PDE4D: variants seen among roughly 807,000 people sequenced by gnomAD.
PDE4D encodes the protein 3',5'-cyclic-AMP phosphodiesterase 4D.
Under a neutral mutation model 87.4 loss-of-function variants are expected in PDE4D, and 24 were observed. The observed-to-expected ratio is 0.27, with a 90% CI of 0.20 to 0.39. PDE4D has a LOEUF of 0.39. PDE4D is among the 10% of genes least tolerant of loss of function. The pLI is 1.00. For synonymous variants in PDE4D, 384 were observed against 383.2 expected (o/e 1.00, Z -0.02); for missense variants, 714 against 1,041.0 (o/e 0.69, Z 4.32).
At chr5:59,433,885 G>A (rs1796451091) in intron 1 of PDE4D, among the ~76,000 whole-genome samples, 1 of 152,038 alleles carries the variant, frequency 6.6e-6, no homozygotes, top group Admixed American at 6.6e-5. Flanking sequence ...TTGCCAGCAA[G>A]CAGCAATTTC....
At position 60,453,617 on chromosome 5, in the gene PDE4D, T is replaced by A. The variant is rs192501852; in HGVS notation, c.-90+34325A>T. On this transcript the variant is annotated intron_variant, in intron 1 of 16. Coordinates refer to the PDE4D transcript ENST00000502484. ...AATAGGTTTGTTGTACTGGTTGCCA[T>A]AAATTTCAAAACAAGAAAAATCAAG... Among the ~76,000 whole-genome samples, 266 of 152,250 alleles carry A rather than the reference T, an allele frequency of 1.7e-3. 2 individuals are homozygous for A. The highest frequency in any genetic ancestry group is 2.0e-3 in the Non-Finnish European group (137 of 68,010).
At chr5:60,234,869 T>C (rs1746246926) in intron 1 of PDE4D, among the ~76,000 whole-genome samples, 1 of 151,814 alleles carries the variant, frequency 6.6e-6, no homozygotes, top group Non-Finnish European at 1.5e-5. Flanking sequence ...ATTTTATTGA[T>C]GCCAAAATTA....
chr5:59,164,539 CT>C (rs1382173842), intron 5 of PDE4D, among the ~76,000 whole-genome samples: 1 of 152,200 alleles, frequency 6.6e-6, no homozygotes, highest in Non-Finnish European at 1.5e-5. Flanking sequence ...CAGAGAATAA[CT>C]TTCCCAAAGT....
intron 1 of PDE4D, among the ~76,000 whole-genome samples, chr5:59,219,953 G>A (rs1752109736): frequency 6.6e-6 from 1 of 152,060 alleles, no homozygotes; most frequent in Non-Finnish European, 1.5e-5. Context: ...TATAAAACAG[G>A]ACATTTAGTG....
At chr5:60,240,612 A>G (rs1009517988) in intron 1 of PDE4D, among the ~76,000 whole-genome samples, 1 of 152,058 alleles carries the variant, frequency 6.6e-6, no homozygotes, top group African/African-American at 2.4e-5. Context: ...AGTCTGACCC[A>G]ACGCAGTCTC....
chr5:59,613,128 C>T (rs945619523), intron 1 of PDE4D, among the ~76,000 whole-genome samples: 10 of 151,990 alleles, frequency 6.6e-5, no homozygotes. Flanking sequence ...GTGGCCGGAA[C>T]CAAGCTGGTT....
chr5:59,449,676 T>C (rs1798856992), intron 1 of PDE4D, among the ~76,000 whole-genome samples: 3 of 152,204 alleles, frequency 2.0e-5, no homozygotes, highest in Admixed American at 2.0e-4. Context: ...TAAAAATGCC[T>C]ATATTCTAAC....
Position 59,396,251 on chromosome 5 carries a change from G to A in PDE4D, c.456-180283C>T, listed in dbSNP as rs1310304920. Among the ~76,000 whole-genome samples, 11 of 110,446 alleles carry A rather than the reference G, an allele frequency of 1.0e-4. 4 individuals carry two copies. The highest frequency in any genetic ancestry group is 3.6e-4 in the African/African-American group (9 of 25,308). The allele number at this position is 110,446 out of a possible 152,430, so 72.5% of individuals were successfully genotyped here. A position where few individuals can be genotyped will look rare whatever the true frequency, so the allele number is the denominator to read the frequency against. On this transcript the variant is annotated intron_variant, in intron 1 of 14. Coordinates refer to ENST00000340635, the MANE Select transcript of PDE4D (RefSeq NM_001104631.2). ...ACAGAACGCCACAAAGATACTCCTC[G>A]AGAAGAGCAACTCCAAGACACATAA... is the stretch of plus-strand genomic sequence containing the variant.
intron 1 of PDE4D, among the ~76,000 whole-genome samples, chr5:60,379,912 C>T (rs903606059): frequency 3.9e-5 from 6 of 152,132 alleles, no homozygotes; most frequent in African/African-American, 1.2e-4. Context: ...TAATTGATTA[C>T]ATGTTTCAGC....
At chr5:59,188,678 G>A (rs1196113406) in intron 3 of PDE4D, among the ~76,000 whole-genome samples, 1 of 152,126 alleles carries the variant, frequency 6.6e-6, no homozygotes, top group Non-Finnish European at 1.5e-5. Context: ...AGGAAGCGGC[G>A]ACCCGCACTG....
intron 1 of PDE4D, among the ~76,000 whole-genome samples, chr5:60,212,685 G>C (rs1458325723): frequency 6.6e-6 from 1 of 152,188 alleles, no homozygotes; most frequent in African/African-American, 2.4e-5. Context: ...CACTTAAGCA[G>C]CTAATGCTAG....
At chr5:60,389,931 T>C (rs1233901753) in intron 1 of PDE4D, among the ~76,000 whole-genome samples, 6 of 152,240 alleles carry the variant, frequency 3.9e-5, no homozygotes, top group Non-Finnish European at 8.8e-5. Flanking sequence ...GTTTTAAAGC[T>C]GCCATATCCC....
intron 1 of PDE4D, among the ~76,000 whole-genome samples, chr5:60,228,478 C>A (rs1038214298): frequency 6.7e-6 from 1 of 150,222 alleles, no homozygotes; most frequent in South Asian, 2.2e-4. Context: ...AATAAATGAT[C>A]ATGCAGGAGA....
At chr5:59,618,509 C>T (rs1829978783) in intron 1 of PDE4D, among the ~76,000 whole-genome samples, 1 of 152,074 alleles carries the variant, frequency 6.6e-6, no homozygotes, top group African/African-American at 2.4e-5. Context: ...TACAGCTTGG[C>T]CTCTATTCTG....
At chr5:59,072,300 G>A (rs1315500750) in intron 5 of PDE4D, among the ~76,000 whole-genome samples, 1 of 152,078 alleles carries the variant, frequency 6.6e-6, no homozygotes, top group Non-Finnish European at 1.5e-5. Context: ...AGCTGACTAG[G>A]GGAAGAAGGT....
intron 1 of PDE4D, among the ~76,000 whole-genome samples, chr5:59,498,984 G>T (rs1395723744): frequency 1.3e-5 from 2 of 151,970 alleles, no homozygotes; most frequent in Non-Finnish European, 2.9e-5. Flanking sequence ...CTTCTCATCT[G>T]CACATGATAT....
At chr5:59,838,029 C>T (rs1742397466) in intron 1 of PDE4D, among the ~76,000 whole-genome samples, 1 of 152,040 alleles carries the variant, frequency 6.6e-6, no homozygotes, top group Non-Finnish European at 1.5e-5. Flanking sequence ...ATAATTTACA[C>T]ACTTTAGTTA....
chr5:59,741,641 T>C (rs550255879), intron 1 of PDE4D, among the ~76,000 whole-genome samples: 3 of 152,230 alleles, frequency 2.0e-5, no homozygotes, highest in African/African-American at 4.8e-5. Context: ...AACTTTTCAT[T>C]AGTAACATGA....
intron 5 of PDE4D, among the ~76,000 whole-genome samples, chr5:59,159,218 T>C (rs1162849682): frequency 6.6e-6 from 1 of 152,112 alleles, no homozygotes; most frequent in African/African-American, 2.4e-5. Flanking sequence ...AGCCTAGACC[T>C]CTTGGGCTCA....
Sources: allele counts gnomAD v4.1 joint callset (sites outside exome capture counted in the v4.1 genomes callset), GRCh38; gene constraint gnomAD v4.1.1; transcripts MANE v1.5; gene names NCBI Gene and HGNC (gene_info 2026-07-23, HGNC 2026-07-21).